CDH18: variants seen among roughly 807,000 people sequenced by gnomAD.
CDH18 encodes the protein cadherin 18.
A neutral mutation model predicts 67.9 loss-of-function variants in CDH18; 31 were observed. That is an observed-to-expected ratio of 0.46 (90% confidence interval 0.34 to 0.62). The LOEUF is 0.62. Among genes scored for constraint, CDH18 ranks in the 20% least tolerant of loss-of-function variants. The pLI is 0.01. For missense variants in CDH18, 890 were observed against 975.5 expected, an observed-to-expected ratio of 0.91 and a Z score of 1.17; for synonymous variants, 362 against 347.2, an observed-to-expected ratio of 1.04 and a Z score of -0.48.
intron 1 of CDH18, among the ~76,000 whole-genome samples, chr5:20,456,135 G>A (rs1352114651): frequency 7.2e-5 from 11 of 151,980 alleles, no homozygotes; most frequent in Admixed American, 7.2e-4. Context: ...TAAAATTTTA[G>A]GGTTAAAAGA....
chr5:20,172,200 A>ATATATATATATATATATG (rs1736795673), intron 2 of CDH18, among the ~76,000 whole-genome samples: 3 of 36,380 alleles, frequency 8.2e-5, no homozygotes, highest in Admixed American at 2.8e-4. Context: ...GTATATATAT[A>ATATATATATATATATATG]TATATATATA....
chr5:19,965,788 A>G (rs1394952182), intron 2 of CDH18, among the ~76,000 whole-genome samples: 1 of 152,086 alleles, frequency 6.6e-6, no homozygotes, highest in Non-Finnish European at 1.5e-5. Flanking sequence ...AGGTAGAAAG[A>G]GACAGGTGTG....
rs1026165454 is a variant in CDH18, at chr5:19,814,775, G to GA, written c.228+23983dup. 1.7e-4 allele frequency among the ~76,000 whole-genome samples: 26 copies of GA among 149,354 alleles called. No homozygotes were observed. In the East Asian group the frequency reaches 2.0e-3, roughly 11 times the overall value. On this transcript the variant is annotated intron_variant, in intron 3 of 12. Transcript: ENST00000382275. ...AATTGTAACTAATAGACAAGCCCTGGAAAAAAAAATGTTTCCAAATATTGC... is the reference window on the plus strand; with the variant it reads ...AATTGTAACTAATAGACAAGCCCTGGAAAAAAAAAATGTTTCCAAATATTGC...
At chr5:19,824,996 A>T (rs1481607005) in intron 3 of CDH18, among the ~76,000 whole-genome samples, 1 of 151,978 alleles carries the variant, frequency 6.6e-6, no homozygotes, top group Non-Finnish European at 1.5e-5. Context: ...AGACCTTTTG[A>T]CCTAGTGGTT....
intron 2 of CDH18, among the ~76,000 whole-genome samples, chr5:19,993,293 A>G (rs745522902): frequency 6.6e-5 from 10 of 152,182 alleles, no homozygotes; most frequent in East Asian, 1.9e-4. Flanking sequence ...TTCAGTAAAA[A>G]TCAATTATAT....
intron 2 of CDH18, among the ~76,000 whole-genome samples, chr5:19,893,524 T>C (rs890337444): frequency 2.0e-5 from 3 of 152,138 alleles, no homozygotes; most frequent in African/African-American, 7.2e-5. Flanking sequence ...TTAAAAAGCA[T>C]TCCTAGTTTG....
chr5:20,540,175 G>T (rs777792719), intron 1 of CDH18, among the ~76,000 whole-genome samples: 2 of 152,128 alleles, frequency 1.3e-5, no homozygotes, highest in Non-Finnish European at 2.9e-5. Flanking sequence ...CAAGAAAGTA[G>T]AGAGACTTGT....
At chr5:19,596,629 T>A (rs1296598143) in intron 6 of CDH18, among the ~76,000 whole-genome samples, 2 of 152,142 alleles carry the variant, frequency 1.3e-5, no homozygotes, top group Admixed American at 1.3e-4. Flanking sequence ...CAAAGCGGAT[T>A]GCAAAAAACT....
At chr5:20,458,796 G>A (rs995021) in intron 1 of CDH18, among the ~76,000 whole-genome samples, 86,942 of 152,008 alleles carry the variant, frequency 0.57, 25,700 homozygotes, top group African/African-American at 0.7. Context: ...AATAACTATT[G>A]TAACACATCA....
At chr5:20,543,003 T>C (rs1360780523) in intron 1 of CDH18, among the ~76,000 whole-genome samples, 1 of 152,044 alleles carries the variant, frequency 6.6e-6, no homozygotes, top group Non-Finnish European at 1.5e-5. Context: ...AACTTTTTGT[T>C]TGGCGTTTCA....
At chr5:20,003,567 T>G (rs1736622421) in intron 2 of CDH18, among the ~76,000 whole-genome samples, 2 of 152,100 alleles carry the variant, frequency 1.3e-5, no homozygotes, top group African/African-American at 4.8e-5. Context: ...TCTCCTCTAC[T>G]AACAAATGAT....
At chr5:19,879,107 T>C (rs770128293) in intron 2 of CDH18, among the ~76,000 whole-genome samples, 38 of 152,032 alleles carry the variant, frequency 2.5e-4, no homozygotes, top group Admixed American at 5.9e-4. Context: ...CTAAGCTTTC[T>C]AAGCTTTCTT....
intron 5 of CDH18, among the ~76,000 whole-genome samples, chr5:19,648,606 T>C (rs1025200539): frequency 2.6e-5 from 4 of 152,122 alleles, no homozygotes; most frequent in African/African-American, 9.7e-5. Context: ...TTTTACCTCT[T>C]AGCTATTCTA....
chr5:20,035,318 T>C (rs1391876925), intron 2 of CDH18, among the ~76,000 whole-genome samples: 3 of 152,064 alleles, frequency 2.0e-5, no homozygotes, highest in Non-Finnish European at 4.4e-5. Flanking sequence ...TTAATAATGA[T>C]GAGCCAGGTA....
At chr5:19,593,705 C>CT (rs1195178273) in intron 6 of CDH18, among the ~76,000 whole-genome samples, 6 of 78,860 alleles carry the variant, frequency 7.6e-5, no homozygotes, top group Non-Finnish European at 7.0e-5. Context: ...CTTCCTCCTC[C>CT]TCCTTCTTCT....
At chr5:19,743,015 C>T (rs1327056491) in intron 4 of CDH18, among the ~76,000 whole-genome samples, 1 of 152,264 alleles carries the variant, frequency 6.6e-6, no homozygotes, top group Admixed American at 6.5e-5. Context: ...AAAGCCACAA[C>T]CTAGTGTTTA....
intron 1 of CDH18, among the ~76,000 whole-genome samples, chr5:20,377,887 G>C (rs1245643790): frequency 6.6e-6 from 1 of 152,102 alleles, no homozygotes; most frequent in Non-Finnish European, 1.5e-5. Flanking sequence ...ATTCCCAAAA[G>C]TTACCACCCT....
At chr5:19,730,750 C>T (rs1202469619) in intron 4 of CDH18, among the ~76,000 whole-genome samples, 1 of 131,042 alleles carries the variant, frequency 7.6e-6, no homozygotes, top group Non-Finnish European at 1.6e-5. Context: ...ATCATTTTCA[C>T]ACAGAAGTAT....
At chr5:20,411,733 C>T (rs1746793802) in intron 1 of CDH18, among the ~76,000 whole-genome samples, 1 of 151,184 alleles carries the variant, frequency 6.6e-6, no homozygotes, top group South Asian at 2.1e-4. Context: ...CTATCCAAAA[C>T]ATATAAGGAA....
Sources: gnomAD v4.1 joint callset for allele counts (sites outside exome capture counted in the v4.1 genomes callset) on GRCh38, gnomAD v4.1.1 for gene constraint, MANE v1.5 for transcripts, NCBI Gene and HGNC (gene_info 2026-07-23, HGNC 2026-07-21) for gene names.